The following CPNE4 variants were observed in gnomAD, a reference collection of about 807,000 sequenced individuals.
CPNE4 encodes the protein copine 4.
In CPNE4, 25 loss-of-function variants were observed where a neutral mutation model predicts 67.9. The observed-to-expected ratio is 0.37, with a 90% CI of 0.27 to 0.51. The LOEUF is 0.51. Among genes scored for constraint, CPNE4 ranks in the 20% least tolerant of loss-of-function variants. The pLI, the probability that CPNE4 is intolerant of heterozygous loss-of-function variation, is 0.93. For missense variants in CPNE4, 464 were observed against 690.8 expected (o/e 0.67, Z 3.68); for synonymous variants, 242 against 244.9 (o/e 0.99, Z 0.11).
At chr3:131,881,130 C>T (rs2087659080) in intron 2 of CPNE4, among the ~76,000 whole-genome samples, 1 of 152,140 alleles carries the variant, frequency 6.6e-6, no homozygotes, top group South Asian at 2.1e-4. Context: ...AAGACAAAAA[C>T]CAGACTGTTC....
chr3:131,857,655 G>A (rs921586207), intron 2 of CPNE4, among the ~76,000 whole-genome samples: 1 of 152,048 alleles, frequency 6.6e-6, no homozygotes, highest in Non-Finnish European at 1.5e-5. Context: ...GCTCCAGGAT[G>A]GGATGTTCTT....
intron 2 of CPNE4, among the ~76,000 whole-genome samples, chr3:131,865,852 G>C (rs1057282888): frequency 6.6e-6 from 1 of 152,192 alleles, no homozygotes; most frequent in Admixed American, 6.5e-5. Context: ...TAGAAATCAG[G>C]AGTGGGCAGA....
At chr3:131,944,237 A>G (rs1204991388) in intron 1 of CPNE4, among the ~76,000 whole-genome samples, 4 of 150,730 alleles carry the variant, frequency 2.7e-5, no homozygotes, top group East Asian at 3.9e-4. Context: ...TTTTTTTTCC[A>G]GAAAAGAATA....
chr3:132,031,905 G>C (rs186716322), intron 1 of CPNE4, among the ~76,000 whole-genome samples: 3 of 152,108 alleles, frequency 2.0e-5, no homozygotes, highest in African/African-American at 7.2e-5. Context: ...AAGAATCAAA[G>C]CTTTTTTCTA....
intron 2 of CPNE4, among the ~76,000 whole-genome samples, chr3:131,867,389 T>C: frequency 6.6e-6 from 1 of 152,134 alleles, no homozygotes; most frequent in Non-Finnish European, 1.5e-5. Flanking sequence ...ATTTTAAGAA[T>C]TAGATAAGAA....
intron 2 of CPNE4, among the ~76,000 whole-genome samples, chr3:131,752,126 T>C (rs951092301): frequency 2.0e-5 from 3 of 152,168 alleles, no homozygotes; most frequent in African/African-American, 7.2e-5. Flanking sequence ...TTAATCCCAA[T>C]GCAAGTTGGA....
At chr3:131,804,343 A>T (rs771002189) in intron 2 of CPNE4, among the ~76,000 whole-genome samples, 2 of 152,270 alleles carry the variant, frequency 1.3e-5, no homozygotes, top group Middle Eastern at 3.4e-3. Context: ...GGCAAGTATT[A>T]AAAAATACAA....
chr3:131,603,880 A>G (rs562333027), intron 7 of CPNE4, among the ~76,000 whole-genome samples: 1 of 152,304 alleles, frequency 6.6e-6, no homozygotes, highest in African/African-American at 2.4e-5. Flanking sequence ...TTAAGATAGG[A>G]TTCTTCATTT....
chr3:131,769,145 T>G (rs1583168894), intron 2 of CPNE4, among the ~76,000 whole-genome samples: 1 of 152,290 alleles, frequency 6.6e-6, no homozygotes, highest in South Asian at 2.1e-4. Flanking sequence ...GTGAGATAAC[T>G]TATTTATTTC....
At chr3:131,631,561 T>C (rs2079221659) in intron 7 of CPNE4, among the ~76,000 whole-genome samples, 1 of 152,236 alleles carries the variant, frequency 6.6e-6, no homozygotes, top group Non-Finnish European at 1.5e-5. Context: ...TTTCTCCCAG[T>C]TCAATGTATT....
intron 6 of CPNE4, among the ~76,000 whole-genome samples, chr3:131,683,179 T>A (rs1387939735): frequency 6.6e-6 from 1 of 152,132 alleles, no homozygotes; most frequent in African/African-American, 2.4e-5. Context: ...CCCCTCTACT[T>A]GTCCCTGTCC....
intron 1 of CPNE4, among the ~76,000 whole-genome samples, chr3:131,941,844 T>C (rs1330281415): frequency 6.6e-6 from 1 of 152,124 alleles, no homozygotes; most frequent in Non-Finnish European, 1.5e-5. Flanking sequence ...CCTTTGACAA[T>C]ATAAGACTTT....
intron 7 of CPNE4, among the ~76,000 whole-genome samples, chr3:131,605,175 A>C (rs1397517768): frequency 6.6e-6 from 1 of 152,178 alleles, no homozygotes; most frequent in East Asian, 1.9e-4. Context: ...TTCTTCTTTG[A>C]ATGAATAGTT....
At chr3:131,929,081 C>T (rs2070977346) in intron 1 of CPNE4, among the ~76,000 whole-genome samples, 1 of 151,720 alleles carries the variant, frequency 6.6e-6, no homozygotes, top group African/African-American at 2.4e-5. Flanking sequence ...AGAAATGTCC[C>T]TGCTTCTGGG....
rs369274504 is a variant in CPNE4 at position 131,698,233 on chromosome 3, C to CAAAAAAAAAAAA, written c.433-1629_433-1618dup. ...CTGGGAGAGGGGCAAGGCTCTGTCT[C>CAAAAAAAAAAAA]AAAAAAAAAAAAAAAAAAAAGAAAG... On this transcript the variant is annotated intron_variant, in intron 4 of 15. Transcript: ENST00000429747. Among the ~76,000 whole-genome samples, 284 of 64,350 alleles carry CAAAAAAAAAAAA rather than the reference C, an allele frequency of 4.4e-3. 7 individuals are homozygous for CAAAAAAAAAAAA. Among genetic ancestry groups the CAAAAAAAAAAAA allele is most frequent in the Middle Eastern group, 0.013 (1 of 78 alleles). 42.2% of individuals were successfully genotyped at this position (64,350 alleles called of 152,430 possible).
chr3:131,856,272 T>G (rs1645295367), intron 2 of CPNE4, among the ~76,000 whole-genome samples: 1 of 151,880 alleles, frequency 6.6e-6, no homozygotes, highest in Non-Finnish European at 1.5e-5. Flanking sequence ...ATAAACCATG[T>G]CTTACATGGT....
At chr3:131,811,839 C>T (rs1560372165) in intron 2 of CPNE4, among the ~76,000 whole-genome samples, 1 of 152,050 alleles carries the variant, frequency 6.6e-6, no homozygotes, top group Non-Finnish European at 1.5e-5. Context: ...CACTTAACCT[C>T]TTCATCTTCA....
At chr3:131,570,212 G>T (rs1937262710) in intron 10 of CPNE4, among the ~76,000 whole-genome samples, 1 of 151,728 alleles carries the variant, frequency 6.6e-6, no homozygotes, top group South Asian at 2.1e-4. Context: ...CTGACAGAGT[G>T]CCTGTGTAAA....
chr3:131,618,868 CT>C (rs1940310749), intron 7 of CPNE4, among the ~76,000 whole-genome samples: 1 of 152,098 alleles, frequency 6.6e-6, no homozygotes, highest in Admixed American at 6.6e-5. Context: ...TATTTAAAGG[CT>C]TGTGTGTAAC....
Sources: allele counts gnomAD v4.1 joint callset (sites outside exome capture counted in the v4.1 genomes callset), GRCh38; gene constraint gnomAD v4.1.1; transcripts MANE v1.5; gene names NCBI Gene and HGNC (gene_info 2026-07-23, HGNC 2026-07-21).